HOGA1: variants seen among roughly 807,000 people sequenced by gnomAD.
HOGA1 encodes 4-hydroxy-2-oxoglutarate aldolase, mitochondrial.
Under a neutral mutation model 34.3 loss-of-function variants are expected in HOGA1, and 30 were observed. The ratio of observed to expected loss-of-function variants is 0.87; its 90% CI spans 0.65 to 1.19. The LOEUF is 1.19. Among genes scored for constraint, HOGA1 ranks in the 50% most tolerant of loss-of-function variants. The pLI, the probability that HOGA1 is intolerant of heterozygous loss-of-function variation, is 0.00. For missense variants in HOGA1, 417 were observed against 436.5 expected (o/e 0.96, Z 0.40); for synonymous variants, 161 against 174.0 (o/e 0.93, Z 0.59).
Position 97,600,124 on chromosome 10 carries a change from G to C in HOGA1, c.661G>C (p.Ala221Pro), listed in dbSNP as rs2041104991. ...KTRKQDFQVL[A>P]GSAGFLMASY... ...CAGGAAGCAGGATTTTCAGGTGTTG[G>C]CTGGATCGGCTGGCTTTCTGATGGC... Residue 221 changes from alanine to proline, a missense_variant, in exon 5 of 7, where the codon GCT becomes CCT. Coordinates refer to ENST00000370646, the MANE Select transcript of HOGA1 (RefSeq NM_138413.4). The C allele has an allele frequency of 6.2e-7, 1 of 1,614,140 alleles. No individual in the cohort carries two copies.
chr10:97,588,454 C>T lies in HOGA1; in HGVS notation c.211+3540C>T, dbSNP rs373056742. On this transcript the variant is annotated intron_variant, in intron 1 of 6. Coordinates refer to ENST00000370646, the MANE Select transcript of HOGA1 (RefSeq NM_138413.4). ...TCAATCTCCTGACCTCGTGATCGTC[C>T]GCCTCGGCCTCCCAAAGTGTTGGGA... Among the ~76,000 whole-genome samples, 35 of 151,864 alleles carry T rather than the reference C, an allele frequency of 2.3e-4. No homozygotes were observed. In the East Asian group the frequency reaches 4.1e-3, roughly 18 times the overall value.
At chr10:97,606,128 C>CAAAAAAAAAAAAAA (rs60230634) in intron 6 of HOGA1, among the ~76,000 whole-genome samples, 4 of 95,176 alleles carry the variant, frequency 4.2e-5, no homozygotes, top group Admixed American at 1.4e-4. Context: ...ACTAAAAATA[C>CAAAAAAAAAAAAAA]AAAAAAAAAA....
At chr10:97,606,130 A>T (rs920786622) in intron 6 of HOGA1, among the ~76,000 whole-genome samples, 2 of 134,630 alleles carry the variant, frequency 1.5e-5, no homozygotes, top group Non-Finnish European at 3.0e-5. Context: ...TAAAAATACA[A>T]AAAAAAAAAA....
chr10:97,598,226 G>A (rs533514373), intron 1 of HOGA1, among the ~76,000 whole-genome samples: 4 of 152,318 alleles, frequency 2.6e-5, no homozygotes, highest in African/African-American at 7.2e-5. Context: ...GGGCTCAAGC[G>A]ATCCACCCAC....
At chr10:97,588,373 G>T (rs12780691) in intron 1 of HOGA1, among the ~76,000 whole-genome samples, 65,564 of 151,044 alleles carry the variant, frequency 0.43, 16,514 homozygotes, top group Non-Finnish European at 0.59. Flanking sequence ...AATTTTTTGT[G>T]TGTGTGTGTG....
chr10:97,599,158 C>T lies in HOGA1; in HGVS notation c.410C>T (p.Thr137Ile), dbSNP rs761436139. 6.2e-7 allele frequency: 1 copy of T among 1,613,936 alleles called. No individual in the cohort carries two copies. Among genetic ancestry groups the T allele is most frequent in the Middle Eastern group, 1.7e-4 (1 of 6,060 alleles). The stretch of plus-strand genomic sequence containing the variant: ...GGGGCTGACGCGGCCATGGTGGTGA[C>T]CCCTTGCTACTATCGTGGCCGCATG... The part of the protein sequence containing the change: ...QVGADAAMVV[T>I]PCYYRGRMSS... The change falls in exon 3 of 7, where the codon ACC (threonine) becomes ATC (isoleucine). Residue 137 changes from threonine (T) to isoleucine (I), a missense_variant. Physicochemically the swap from Thr to Ile is moderately conservative, Grantham distance 89. Transcript: ENST00000370646.
chr10:97,595,983 T>C (rs2041068144), intron 1 of HOGA1, among the ~76,000 whole-genome samples: 1 of 152,200 alleles, frequency 6.6e-6, no homozygotes, highest in Non-Finnish European at 1.5e-5. Flanking sequence ...TTCTGGGACA[T>C]TTTCTTATCC....
intron 1 of HOGA1, chr10:97,590,645 G>A (rs963810731): frequency 3.0e-5 from 44 of 1,443,478 alleles, no homozygotes; most frequent in Middle Eastern, 2.5e-4. Flanking sequence ...TCACACACAC[G>A]TCTGTTTTCT....
At chr10:97,606,099 A>G (rs1158294454) in intron 6 of HOGA1, among the ~76,000 whole-genome samples, 1 of 134,428 alleles carries the variant, frequency 7.4e-6, no homozygotes, top group Non-Finnish European at 1.5e-5. Flanking sequence ...CCTGGTCGAG[A>G]TGGTGAAACC....
intron 1 of HOGA1, 148 bp downstream of exon 1, chr10:97,585,062 G>A: frequency 1.5e-6 from 1 of 689,324 alleles, no homozygotes; most frequent in Non-Finnish European, 2.5e-6. Context: ...GAACAGGGGA[G>A]ACTGGTCTGG....
intron 3 of HOGA1, 41 bp downstream of exon 3, chr10:97,599,257 GGAGAGGA>G: frequency 6.2e-7 from 1 of 1,612,866 alleles, no homozygotes; most frequent in African/African-American, 1.3e-5. Context: ...CTCTGCCCAG[GGAGAGGA>G]GATAAGGGAA....
intron 1 of HOGA1, among the ~76,000 whole-genome samples, chr10:97,585,225 G>C (rs1307736118): frequency 1.3e-5 from 2 of 152,184 alleles, no homozygotes; most frequent in Non-Finnish European, 2.9e-5. Flanking sequence ...GAAAGTCCTT[G>C]TCAACCTTGT....
Position 97,584,574 on chromosome 10 carries a change from A to T in HOGA1, c.-130A>T, listed in dbSNP as rs1466592334. On this transcript the variant is annotated 5_prime_UTR_variant, in exon 1 of 7. Coordinates refer to ENST00000370646, the MANE Select transcript of HOGA1 (RefSeq NM_138413.4). ...GGAACACCCAGCTCAGGCCTGCCCC[A>T]GTGGCCACAAGTCAGGGAGGCCGCA... 1 of 791,512 alleles carries T rather than the reference A, an allele frequency of 1.3e-6. No homozygotes were observed. The highest frequency in any genetic ancestry group is 2.1e-6 in the Non-Finnish European group (1 of 482,000). The allele number at this position is 791,512 out of a possible 1,614,324, so 49.0% of individuals were successfully genotyped here.
chr10:97,599,958 T>G, intron 4 of HOGA1, 109 bp from the exon 5 acceptor site: 2 of 1,493,148 alleles, frequency 1.3e-6, no homozygotes, highest in Non-Finnish European at 1.9e-6. Context: ...TCTGGGACTT[T>G]CTTGAGGGCA....
chr10:97,592,247 T>TC (rs918075379), intron 1 of HOGA1, among the ~76,000 whole-genome samples: 1 of 149,890 alleles, frequency 6.7e-6, no homozygotes, highest in African/African-American at 2.5e-5. Flanking sequence ...GTACTTTTTT[T>TC]TTTTTTTTTT....
chr10:97,596,689 A>G (rs917247421), intron 1 of HOGA1, among the ~76,000 whole-genome samples: 1 of 146,162 alleles, frequency 6.8e-6, no homozygotes, highest in Non-Finnish European at 1.5e-5. Flanking sequence ...CTGCAATGTT[A>G]CCAATGCAAA....
chr10:97,595,324 G>C (rs1222245387), intron 1 of HOGA1, among the ~76,000 whole-genome samples: 2 of 152,222 alleles, frequency 1.3e-5, no homozygotes, highest in Non-Finnish European at 2.9e-5. Context: ...GACTCCATAA[G>C]AATGACAGCT....
At chr10:97,592,837 C>T (rs1211080369) in intron 1 of HOGA1, among the ~76,000 whole-genome samples, 1 of 151,244 alleles carries the variant, frequency 6.6e-6, no homozygotes, top group Admixed American at 6.6e-5. Flanking sequence ...GTGAGACCAG[C>T]CTGGACAACC....
rs898226430 is a variant in HOGA1 at position 97,603,165 on chromosome 10, A to G, written c.834+1175A>G. 1.3e-5 allele frequency among the ~76,000 whole-genome samples: 2 copies of G among 151,250 alleles called. No individual in the cohort carries two copies. Among genetic ancestry groups the G allele is most frequent in the Admixed American group, 6.6e-5 (1 of 15,174 alleles). On this transcript the variant is annotated intron_variant, in intron 6 of 6. Transcript: ENST00000370646. The surrounding 1 kb of genome is among the most constrained non-coding windows in gnomAD (Gnocchi z 4.5). The stretch of plus-strand genomic sequence containing the variant: ...TACAGGCACGTGCCACCATACCCGG[A>G]TAATTTTTTTGTATTTTTAGTAGAG...
Sources: gnomAD v4.1 joint callset for allele counts (sites outside exome capture counted in the v4.1 genomes callset) on GRCh38, gnomAD v4.1.1 for gene constraint, Gnocchi (gnomAD v3.1) non-coding constraint, MANE v1.5 for transcripts, NCBI Gene and HGNC (gene_info 2026-07-23, HGNC 2026-07-21) for gene names.